GSG1L: variants seen among roughly 807,000 people sequenced by gnomAD.
GSG1L encodes the protein germ cell-specific gene 1-like protein.
GSG1L carries 24 observed loss-of-function variants against 42.1 expected under a neutral mutation model. The ratio of observed to expected loss-of-function variants is 0.57; its 90% CI spans 0.41 to 0.80. The LOEUF (loss-of-function observed/expected upper bound fraction) is 0.80. GSG1L is among the 30% of genes least tolerant of loss of function. The probability of loss-of-function intolerance (pLI) is 0.00; values close to 1 mark genes in which losing one functional copy is unlikely to be tolerated. For missense variants in GSG1L, 445 were observed against 472.2 expected (o/e 0.94, Z 0.53); for synonymous variants, 215 against 203.5 (o/e 1.06, Z -0.48).
chr16:27,957,555 G>A (rs2085020672), intron 2 of GSG1L, among the ~76,000 whole-genome samples: 1 of 152,160 alleles, frequency 6.6e-6, no homozygotes, highest in South Asian at 2.1e-4. Flanking sequence ...AGAGGTAAAT[G>A]AGAAATTATG....
At chr16:28,057,760 G>A (rs1045396210) in intron 1 of GSG1L, among the ~76,000 whole-genome samples, 14 of 152,260 alleles carry the variant, frequency 9.2e-5, no homozygotes, top group African/African-American at 3.4e-4. Flanking sequence ...GCTATCATGG[G>A]GCAGATAGGA....
intron 1 of GSG1L, among the ~76,000 whole-genome samples, chr16:28,010,396 G>A (rs1056464020): frequency 1.3e-5 from 2 of 152,148 alleles, no homozygotes; most frequent in Admixed American, 1.3e-4. Flanking sequence ...GCACTGTGGG[G>A]GGATTTTGCT....
chr16:27,919,634 TC>T (rs763604200), intron 2 of GSG1L, among the ~76,000 whole-genome samples: 11 of 152,016 alleles, frequency 7.2e-5, no homozygotes, highest in Admixed American at 7.2e-4. Flanking sequence ...GATGGAAAAC[TC>T]CAATTGGCCA....
intron 2 of GSG1L, among the ~76,000 whole-genome samples, chr16:27,899,373 C>T (rs1009056500): frequency 6.6e-6 from 1 of 152,140 alleles, no homozygotes; most frequent in Non-Finnish European, 1.5e-5. Flanking sequence ...CTCTCTGAGC[C>T]TCGATTTCCT....
intron 2 of GSG1L, among the ~76,000 whole-genome samples, chr16:27,947,384 A>AAGAGAAAGAAAG (rs373703555): frequency 7.7e-6 from 1 of 130,678 alleles, no homozygotes; most frequent in Non-Finnish European, 1.6e-5. Context: ...GAAAGAAAGA[A>AAGAGAAAGAAAG]AAAGAAAGAA....
intron 3 of GSG1L, among the ~76,000 whole-genome samples, chr16:27,877,022 C>T: frequency 6.6e-6 from 1 of 152,210 alleles, no homozygotes; most frequent in East Asian, 1.9e-4. Context: ...GAACGACTTT[C>T]TCTTTTTTCC....
intron 2 of GSG1L, among the ~76,000 whole-genome samples, chr16:27,942,718 C>A (rs994528446): frequency 2.0e-5 from 3 of 152,176 alleles, no homozygotes; most frequent in Non-Finnish European, 2.9e-5. Context: ...AATGTGATAC[C>A]ATTTCTCACC....
intron 6 of GSG1L, among the ~76,000 whole-genome samples, chr16:27,803,766 C>CATATATATATATATAT (rs3047681): frequency 1.2e-3 from 145 of 117,828 alleles, no homozygotes; most frequent in African/African-American, 3.5e-3. Context: ...ACAGTGCAGA[C>CATATATATATATATAT]ATATATATAT....
intron 2 of GSG1L, among the ~76,000 whole-genome samples, chr16:27,955,859 G>A (rs1479339000): frequency 1.5e-5 from 2 of 136,054 alleles, no homozygotes; most frequent in African/African-American, 5.4e-5. Context: ...TGGGGCTGCA[G>A]GTCAAAAGAC....
chr16:27,886,132 T>C (rs1392434109), intron 2 of GSG1L, among the ~76,000 whole-genome samples: 1 of 152,048 alleles, frequency 6.6e-6, no homozygotes, highest in Non-Finnish European at 1.5e-5. Context: ...ATGCCTCAGT[T>C]CCTTCATCTG....
At chr16:27,857,723 T>G (rs1022343623) in intron 3 of GSG1L, among the ~76,000 whole-genome samples, 1 of 151,892 alleles carries the variant, frequency 6.6e-6, no homozygotes, top group African/African-American at 2.4e-5. Flanking sequence ...TCTCTCCATC[T>G]CTCTCTCATT....
In GSG1L at chr16:28,037,230, G is replaced by A. The variant is rs1057221514; in HGVS notation, c.349+25846C>T. Reference sequence around the variant, plus strand: ...TAGCAGAGATGGGGTTTCACCATGTGGGCCAGGCTGGTTTTGAACTCCTGG... The same window carrying A: ...TAGCAGAGATGGGGTTTCACCATGTAGGCCAGGCTGGTTTTGAACTCCTGG... On this transcript the variant is annotated intron_variant, in intron 1 of 6. Coordinates refer to ENST00000447459, the MANE Select transcript of GSG1L (RefSeq NM_001109763.2). Among the ~76,000 whole-genome samples the A allele has an allele frequency of 2.0e-5, 3 of 152,150 alleles. No homozygotes were observed. The East Asian group carries it at 5.8e-4, about 29-fold the overall frequency.
chr16:27,881,259 T>TTTG (rs35552924), intron 3 of GSG1L, among the ~76,000 whole-genome samples: 7 of 146,414 alleles, frequency 4.8e-5, no homozygotes, highest in African/African-American at 1.6e-4. Flanking sequence ...TTTTTTTTTT[T>TTTG]GAGATGGGGT....
intron 2 of GSG1L, among the ~76,000 whole-genome samples, chr16:27,939,837 A>ATTG (rs1252390433): frequency 1.3e-5 from 2 of 152,058 alleles, no homozygotes; most frequent in South Asian, 2.1e-4. Context: ...AATTTTTTTT[A>ATTG]TTGTTGTTGT....
chr16:27,950,143 C>A (rs1484268477), intron 2 of GSG1L, among the ~76,000 whole-genome samples: 1 of 152,102 alleles, frequency 6.6e-6, no homozygotes, highest in Admixed American at 6.5e-5. Flanking sequence ...AAATTGTGAG[C>A]CTTCGAGTTA....
chr16:28,045,268 A>C (rs1051164498), intron 1 of GSG1L, among the ~76,000 whole-genome samples: 1 of 152,018 alleles, frequency 6.6e-6, no homozygotes, highest in Non-Finnish European at 1.5e-5. Context: ...CCAATGTACC[A>C]CTCTGGTGGG....
At chr16:27,993,300 C>T (rs2141136777) in intron 1 of GSG1L, among the ~76,000 whole-genome samples, 1 of 152,250 alleles carries the variant, frequency 6.6e-6, no homozygotes. Flanking sequence ...AGGCATGCAC[C>T]ACCATGCCCA....
At chr16:27,947,408 G>C (rs2084888157) in intron 2 of GSG1L, among the ~76,000 whole-genome samples, 1 of 141,206 alleles carries the variant, frequency 7.1e-6, no homozygotes, top group South Asian at 2.2e-4. Context: ...AAGAAAGAAA[G>C]AAAGAAAGAA....
intron 3 of GSG1L, among the ~76,000 whole-genome samples, chr16:27,852,773 G>C (rs556937200): frequency 6.6e-6 from 1 of 152,300 alleles, no homozygotes; most frequent in African/African-American, 2.4e-5. Context: ...GTTGGGTGGG[G>C]ATGGTGAGCA....
Sources: gnomAD v4.1 joint callset for allele counts (sites outside exome capture counted in the v4.1 genomes callset) on GRCh38, gnomAD v4.1.1 for gene constraint, MANE v1.5 for transcripts, NCBI Gene and HGNC (gene_info 2026-07-23, HGNC 2026-07-21) for gene names.